Variants in SPTBN1 observed in about 807,000 individuals in gnomAD.
The protein encoded by SPTBN1 is spectrin beta, non-erythrocytic 1.
SPTBN1 carries 32 observed loss-of-function variants against 266.4 expected under a neutral mutation model. The observed-to-expected ratio is 0.12, with a 90% CI of 0.09 to 0.16. The LOEUF (loss-of-function observed/expected upper bound fraction) is 0.16, where lower values mean the gene tolerates loss of function less well. Ranked by LOEUF, SPTBN1 falls within the 10% of genes least tolerant of loss-of-function variation. SPTBN1 has a pLI of 1.00. For synonymous variants in SPTBN1, 1,336 were observed against 1,162.2 expected (o/e 1.15, Z -3.04); for missense variants, 2,296 against 3,067.1 (o/e 0.75, Z 5.94).
rs754517628 is a variant in SPTBN1, at chr2:54,670,936, G to T, written c.*2367G>T. On this transcript the variant is annotated 3_prime_UTR_variant, in exon 36 of 36. Coordinates refer to ENST00000356805, the MANE Select transcript of SPTBN1 (RefSeq NM_003128.3). ...CCTGATGAGCTTCAAGCCTGGCAGG[G>T]TAAATAGTTTTTGGGTTTTTTGTTT... is the stretch of plus-strand genomic sequence containing the variant. 13 of 397,284 alleles carry T rather than the reference G, an allele frequency of 3.3e-5. No individual in the cohort carries two copies. Among genetic ancestry groups the T allele is most frequent in the Non-Finnish European group, 4.9e-5 (11 of 225,834 alleles). 24.6% of individuals were successfully genotyped at this position (397,284 alleles called of 1,614,324 possible).
At chr2:54,613,932 G>C (rs939962681) in intron 4 of SPTBN1, among the ~76,000 whole-genome samples, 3 of 152,196 alleles carry the variant, frequency 2.0e-5, no homozygotes, top group African/African-American at 7.2e-5. Flanking sequence ...CATCCTGACT[G>C]TGGGCTATCT....
chr2:54,487,536 A>G (rs1025793163), intron 1 of SPTBN1, among the ~76,000 whole-genome samples: 3 of 152,158 alleles, frequency 2.0e-5, no homozygotes, highest in African/African-American at 7.2e-5. Flanking sequence ...TTTTCAGCCT[A>G]GGTACAATTC....
At chr2:54,662,240 C>G (rs987707616) in intron 32 of SPTBN1, 3 of 985,278 alleles carry the variant, frequency 3.0e-6, no homozygotes, top group African/African-American at 3.5e-5. Context: ...TGATGTGTGT[C>G]TCTAGTGGTG....
intron 1 of SPTBN1, among the ~76,000 whole-genome samples, chr2:54,496,570 A>C (rs1668983656): frequency 6.6e-6 from 1 of 152,078 alleles, no homozygotes; most frequent in Non-Finnish European, 1.5e-5. Context: ...ACAGTTCTAG[A>C]TGTAAGTTCA....
chr2:54,617,803 A>T (rs1480500222), intron 6 of SPTBN1, 115 bp downstream of exon 6: 1 of 991,414 alleles, frequency 1.0e-6, no homozygotes, highest in South Asian at 1.6e-5. Context: ...CGTGGTGGAA[A>T]TTTCTGCATT....
intron 1 of SPTBN1, 100 bp from the exon 2 acceptor site, chr2:54,526,272 A>G: frequency 2.1e-6 from 2 of 943,798 alleles, no homozygotes; most frequent in Non-Finnish European, 3.0e-6. Context: ...TATTCTTGGC[A>G]AGCACTGTTT....
chr2:54,476,458 C>T (rs1667838813), intron 1 of SPTBN1, among the ~76,000 whole-genome samples: 1 of 152,160 alleles, frequency 6.6e-6, no homozygotes, highest in Non-Finnish European at 1.5e-5. Context: ...TGATAAAGGG[C>T]ATCTCCTGGT....
intron 1 of SPTBN1, among the ~76,000 whole-genome samples, chr2:54,519,911 C>T (rs565258646): frequency 4.1e-4 from 63 of 152,084 alleles, no homozygotes; most frequent in Non-Finnish European, 7.1e-4. Context: ...GTGTCTGGGG[C>T]GGCTAGGAGA....
intron 3 of SPTBN1, among the ~76,000 whole-genome samples, chr2:54,606,860 G>C (rs952975180): frequency 4.6e-5 from 7 of 152,212 alleles, no homozygotes; most frequent in Admixed American, 4.6e-4. Context: ...CGTGGAGAGA[G>C]AGCACCAGTG....
chr2:54,510,282 A>G (rs530195182), intron 1 of SPTBN1, among the ~76,000 whole-genome samples: 271 of 152,148 alleles, frequency 1.8e-3, no homozygotes, highest in Middle Eastern at 0.014. Context: ...CACCAGTCCT[A>G]TTGGATTAGG....
At chr2:54,575,015 G>A (rs950194141) in intron 2 of SPTBN1, among the ~76,000 whole-genome samples, 1 of 152,186 alleles carries the variant, frequency 6.6e-6, no homozygotes, top group South Asian at 2.1e-4. Flanking sequence ...GTAAGAAAAT[G>A]GGTGATGGTG....
At chr2:54,549,655 T>C (rs746402999) in intron 2 of SPTBN1, among the ~76,000 whole-genome samples, 1 of 152,220 alleles carries the variant, frequency 6.6e-6, no homozygotes, top group Non-Finnish European at 1.5e-5. Flanking sequence ...GTGTATGATA[T>C]GTGCTGGACG....
chr2:54,628,453 C>G lies in SPTBN1; in HGVS notation c.1798+203C>G, dbSNP rs1308925404. 6.6e-6 allele frequency among the ~76,000 whole-genome samples: 1 copy of G among 152,192 alleles called. No homozygotes were observed. The highest frequency in any genetic ancestry group is 1.5e-5 in the Non-Finnish European group (1 of 68,044). ...TTGATACATCCTTTCCTTAAATACG[C>G]AAATGCTGCCTTTGCTTTGAGTGGC... On this transcript the variant is annotated intron_variant, in intron 13 of 35. Coordinates refer to ENST00000356805, the MANE Select transcript of SPTBN1 (RefSeq NM_003128.3). This position sits in a 1 kb window ranked among gnomAD's most constrained non-coding sequence, Gnocchi z 4.3.
chr2:54,500,190 C>A (rs1384763230), intron 1 of SPTBN1, among the ~76,000 whole-genome samples: 1 of 152,154 alleles, frequency 6.6e-6, no homozygotes, highest in Non-Finnish European at 1.5e-5. Flanking sequence ...TAAATAATCA[C>A]AAAATTTATG....
chr2:54,514,399 A>G (rs975329393), intron 1 of SPTBN1, among the ~76,000 whole-genome samples: 2 of 152,182 alleles, frequency 1.3e-5, no homozygotes, highest in Non-Finnish European at 1.5e-5. Flanking sequence ...GAATTTGCCC[A>G]TTAAGAAAAA....
intron 1 of SPTBN1, among the ~76,000 whole-genome samples, chr2:54,518,811 A>T (rs942001178): frequency 1.3e-5 from 2 of 152,214 alleles, no homozygotes; most frequent in African/African-American, 4.8e-5. Flanking sequence ...AAGTGTGTGT[A>T]TATGGGTGTG....
intron 4 of SPTBN1, 150 bp downstream of exon 4, chr2:54,612,484 G>T: frequency 1.1e-6 from 1 of 885,914 alleles, no homozygotes; most frequent in South Asian, 2.5e-5. Flanking sequence ...CCAGCCCTCA[G>T]AATTGAATGC....
intron 1 of SPTBN1, among the ~76,000 whole-genome samples, chr2:54,474,690 C>T (rs1263463142): frequency 2.6e-5 from 4 of 151,828 alleles, no homozygotes; most frequent in Admixed American, 6.6e-5. Context: ...ATGGAATTAC[C>T]GTAACTATGT....
intron 3 of SPTBN1, among the ~76,000 whole-genome samples, chr2:54,600,231 G>C (rs981193732): frequency 6.6e-6 from 1 of 152,234 alleles, no homozygotes; most frequent in Non-Finnish European, 1.5e-5. Flanking sequence ...TATCAGCTCA[G>C]AGACAGACTG....
Sources: gnomAD v4.1 joint callset for allele counts (sites outside exome capture counted in the v4.1 genomes callset) on GRCh38, gnomAD v4.1.1 for gene constraint, Gnocchi (gnomAD v3.1) non-coding constraint, MANE v1.5 for transcripts, NCBI Gene and HGNC (gene_info 2026-07-23, HGNC 2026-07-21) for gene names.